The following SLMAP variants were observed in gnomAD, a reference collection of about 807,000 sequenced individuals.
SLMAP encodes the protein sarcolemmal membrane-associated protein.
In SLMAP, 44 loss-of-function variants were observed where a neutral mutation model predicts 128.8. That is an observed-to-expected ratio of 0.34 (90% confidence interval 0.27 to 0.44). The LOEUF is 0.44. Ranked by LOEUF, SLMAP falls within the 20% of genes least tolerant of loss-of-function variation. The pLI, the probability that SLMAP is intolerant of heterozygous loss-of-function variation, is 1.00. For missense variants in SLMAP, 787 were observed against 985.3 expected, an observed-to-expected ratio of 0.80 and a Z score of 2.69; for synonymous variants, 327 against 348.8, an observed-to-expected ratio of 0.94 and a Z score of 0.70.
At chr3:57,871,737 T>G in intron 14 of SLMAP, 39 bp downstream of exon 14, 2 of 1,491,274 alleles carry the variant, frequency 1.3e-6, no homozygotes, top group Non-Finnish European at 1.9e-6. Flanking sequence ...TTTAATGAAG[T>G]CAGGGGCTAA....
intron 2 of SLMAP, among the ~76,000 whole-genome samples, chr3:57,760,745 G>C (rs1248001659): frequency 6.6e-6 from 1 of 151,748 alleles, no homozygotes; most frequent in Admixed American, 6.6e-5. Flanking sequence ...AATCCCTTCA[G>C]AGAAGGAGTT....
intron 6 of SLMAP, among the ~76,000 whole-genome samples, chr3:57,851,315 G>A (rs181762259): frequency 2.0e-5 from 3 of 149,076 alleles, no homozygotes; most frequent in East Asian, 3.9e-4. Flanking sequence ...TTAAAGAACC[G>A]TATAAATCTT....
chr3:57,817,034 A>G (rs1184077665), intron 2 of SLMAP, among the ~76,000 whole-genome samples: 1 of 152,246 alleles, frequency 6.6e-6, no homozygotes, highest in South Asian at 2.1e-4. Flanking sequence ...AAAGACTTTG[A>G]AAGTCACAGC....
At chr3:57,766,084 C>T (rs535370406) in intron 2 of SLMAP, among the ~76,000 whole-genome samples, 9 of 150,434 alleles carry the variant, frequency 6.0e-5, no homozygotes, top group Non-Finnish European at 1.0e-4. Context: ...TTGTAAGCTC[C>T]GCCTCCCGGG....
At chr3:57,778,952 C>T (rs942147130) in intron 2 of SLMAP, among the ~76,000 whole-genome samples, 1 of 152,096 alleles carries the variant, frequency 6.6e-6, no homozygotes, top group Admixed American at 6.6e-5. Context: ...TAGGTATATA[C>T]TCTAGGAAAT....
chr3:57,791,936 A>G (rs1030593310), intron 2 of SLMAP, among the ~76,000 whole-genome samples: 2 of 152,206 alleles, frequency 1.3e-5, no homozygotes, highest in South Asian at 2.1e-4. Flanking sequence ...TGTAAGAAGT[A>G]TAACAGGATA....
intron 6 of SLMAP, among the ~76,000 whole-genome samples, chr3:57,855,604 T>A (rs2094728458): frequency 6.7e-6 from 1 of 148,720 alleles, no homozygotes; most frequent in African/African-American, 2.5e-5. Context: ...GGGGCAGGCA[T>A]GGTGGCTCAT....
Position 57,757,782 on chromosome 3 carries a change from C to T in SLMAP, c.131C>T (p.Ala44Val), listed in dbSNP as rs1391970378. ...VARCRPAQNNATFDCKVLSRN... is the reference protein window; with the variant it reads ...VARCRPAQNNVTFDCKVLSRN... The stretch of plus-strand genomic sequence containing the variant: ...CGCTGTCGACCAGCGCAGAATAATG[C>T]CACTTTTGATTGCAAAGTGCTATCA... Residue 44 changes from alanine to valine, a missense_variant, in exon 2 of 25, where the codon GCC (alanine) becomes GTC (valine). Physicochemically the swap from Ala to Val is moderately conservative, Grantham distance 64. Transcript: ENST00000671191. 6.2e-7 allele frequency: 1 copy of T among 1,614,034 alleles called. No individual in the cohort carries two copies. Among genetic ancestry groups the T allele is most frequent in the Non-Finnish European group, 8.5e-7 (1 of 1,180,028 alleles).
chr3:57,882,140 T>G (rs2095760439), intron 14 of SLMAP, among the ~76,000 whole-genome samples: 1 of 152,226 alleles, frequency 6.6e-6, no homozygotes, highest in Non-Finnish European at 1.5e-5. Flanking sequence ...ATTTTTTCTT[T>G]TGATCCCTTT....
intron 2 of SLMAP, among the ~76,000 whole-genome samples, chr3:57,767,574 T>C (rs982294690): frequency 6.6e-6 from 1 of 152,246 alleles, no homozygotes; most frequent in Admixed American, 6.5e-5. Flanking sequence ...ATATATGAAC[T>C]ATTACAATTT....
chr3:57,885,798 T>G (rs2095869772), intron 14 of SLMAP, among the ~76,000 whole-genome samples: 1 of 103,526 alleles, frequency 9.7e-6, no homozygotes, highest in South Asian at 3.4e-4. Flanking sequence ...TTTTTTTTTT[T>G]TTTGAGACAG....
At position 57,891,905 on chromosome 3, in the gene SLMAP, G is replaced by C. The variant is rs191475927; in HGVS notation, c.1360+1805G>C. Among the ~76,000 whole-genome samples, 402 of 151,988 alleles carry C rather than the reference G, an allele frequency of 2.6e-3. 9 individuals are homozygous for C. Among genetic ancestry groups the C allele is most frequent in the Non-Finnish European group, 3.4e-4 (23 of 67,984 alleles). On this transcript the variant is annotated intron_variant, in intron 15 of 24. Transcript: ENST00000671191. Reference sequence around the variant, plus strand: ...GTTTTTAATCTTAAAGAACAAATTGGACTAATGAGCAAGAATATTTATTTC... The same window carrying C: ...GTTTTTAATCTTAAAGAACAAATTGCACTAATGAGCAAGAATATTTATTTC...
At chr3:57,900,360 C>G (rs2096348743) in intron 17 of SLMAP, 1 of 152,128 alleles carries the variant, frequency 6.6e-6, no homozygotes, top group African/African-American at 2.4e-5. Flanking sequence ...TATTTAGTTA[C>G]TTTTAAATGA....
chr3:57,874,733 C>T (rs1001094192), intron 14 of SLMAP, among the ~76,000 whole-genome samples: 4 of 152,010 alleles, frequency 2.6e-5, no homozygotes, highest in Non-Finnish European at 5.9e-5. Context: ...GTGGTGGGCG[C>T]CTGTAGTCTC....
At chr3:57,804,941 T>A (rs923962962) in intron 2 of SLMAP, among the ~76,000 whole-genome samples, 8 of 152,180 alleles carry the variant, frequency 5.3e-5, no homozygotes, top group African/African-American at 1.9e-4. Flanking sequence ...GATGTCCCAG[T>A]AGGTTCTGCT....
chr3:57,769,475 G>T (rs1434920845), intron 2 of SLMAP, among the ~76,000 whole-genome samples: 1 of 152,058 alleles, frequency 6.6e-6, no homozygotes, highest in Non-Finnish European at 1.5e-5. Flanking sequence ...TTACAGGCAT[G>T]AGCCACCGCG....
chr3:57,876,305 A>G (rs1326307885), intron 14 of SLMAP, among the ~76,000 whole-genome samples: 1 of 152,258 alleles, frequency 6.6e-6, no homozygotes, highest in Non-Finnish European at 1.5e-5. Context: ...AAATGAATTG[A>G]AACACATTTC....
chr3:57,883,917 T>A (rs908976572), intron 14 of SLMAP, among the ~76,000 whole-genome samples: 2 of 147,988 alleles, frequency 1.4e-5, no homozygotes, highest in Admixed American at 1.4e-4. Context: ...TTATTTTTCT[T>A]CTTCTTTTTT....
At chr3:57,762,380 A>AG (rs2078864387) in intron 2 of SLMAP, among the ~76,000 whole-genome samples, 1 of 152,168 alleles carries the variant, frequency 6.6e-6, no homozygotes, top group African/African-American at 2.4e-5. Flanking sequence ...AAAAAAAAAA[A>AG]AAAGTTGGAA....
Sources: allele counts gnomAD v4.1 joint callset (sites outside exome capture counted in the v4.1 genomes callset), GRCh38; gene constraint gnomAD v4.1.1; transcripts MANE v1.5; gene names NCBI Gene and HGNC (gene_info 2026-07-23, HGNC 2026-07-21).